Variants in PRDM16 observed in about 807,000 individuals in gnomAD.
The protein encoded by PRDM16 is PR/SET domain 16.
A neutral mutation model predicts 110.6 loss-of-function variants in PRDM16; 23 were observed. The observed-to-expected ratio is 0.21, with a 90% CI of 0.15 to 0.29. The LOEUF (loss-of-function observed/expected upper bound fraction) is 0.29, where lower values mean the gene tolerates loss of function less well. Ranked by LOEUF, PRDM16 falls within the 10% of genes least tolerant of loss-of-function variation. PRDM16 has a pLI of 1.00. For synonymous variants in PRDM16, 799 were observed against 781.8 expected, an observed-to-expected ratio of 1.02 and a Z score of -0.37; for missense variants, 1,615 against 1,794.3, an observed-to-expected ratio of 0.90 and a Z score of 1.81.
intron 2 of PRDM16, among the ~76,000 whole-genome samples, chr1:3,241,180 G>A (rs966578261): frequency 6.6e-6 from 1 of 152,272 alleles, no homozygotes; most frequent in African/African-American, 2.4e-5. Context: ...GTGAGATGGG[G>A]CAGGCGGTTC....
At chr1:3,138,236 G>T (rs896074539) in intron 1 of PRDM16, among the ~76,000 whole-genome samples, 8 of 152,232 alleles carry the variant, frequency 5.3e-5, no homozygotes, top group African/African-American at 1.9e-4. Flanking sequence ...CACGGGGTGT[G>T]GCTTTGTGCA....
chr1:3,336,757 C>T (rs1381899831), intron 3 of PRDM16, among the ~76,000 whole-genome samples: 1 of 151,718 alleles, frequency 6.6e-6, no homozygotes, highest in Admixed American at 6.5e-5. Context: ...CCTGCATGCA[C>T]ATGTGTGTTG....
chr1:3,087,711 T>C (rs939930267), intron 1 of PRDM16, among the ~76,000 whole-genome samples: 1 of 152,196 alleles, frequency 6.6e-6, no homozygotes, highest in African/African-American at 2.4e-5. Context: ...GCCCTCGCGA[T>C]GGCTGGAATC....
chr1:3,222,794 C>T (rs1373182165), intron 2 of PRDM16, among the ~76,000 whole-genome samples: 2 of 152,230 alleles, frequency 1.3e-5, no homozygotes, highest in Non-Finnish European at 2.9e-5. Flanking sequence ...CTGGATCTTT[C>T]CCCACATCCA....
rs1401473461 is a variant in PRDM16 at position 3,411,529 on chromosome 1, C to T, written c.1332C>T (p.Phe444=). 6.2e-7 allele frequency: 1 copy of T among 1,614,198 alleles called. No individual in the cohort carries two copies. The highest frequency in any genetic ancestry group is 1.3e-5 in the African/African-American group (1 of 75,050). The part of the protein sequence containing the change: ...TTSSLNKHRR[F]CEGKNHYTPG... ...CCTCCCTCAACAAGCACCGGCGCTT[C>T]TGCGAGGGCAAGAACCATTACACGC... Residue 444 remains phenylalanine, a synonymous_variant, in exon 9 of 17, where the codon TTC becomes TTT. Transcript: ENST00000270722.
rs937949696 is a variant in PRDM16, at chr1:3,350,746, G to C, written c.439-34406G>C. Among the ~76,000 whole-genome samples, 1 of 152,128 alleles carries C rather than the reference G, an allele frequency of 6.6e-6. No individual in the cohort carries two copies. The highest frequency in any genetic ancestry group is 1.5e-5 in the Non-Finnish European group (1 of 68,036). ...CTGGTTCCTCCCTCCCAGGACAAGAGCTTTGTGTCTGCCGACTTCTTCCCA... is the reference window on the plus strand; with the variant it reads ...CTGGTTCCTCCCTCCCAGGACAAGACCTTTGTGTCTGCCGACTTCTTCCCA... On this transcript the variant is annotated intron_variant, in intron 3 of 16. Coordinates refer to ENST00000270722, the MANE Select transcript of PRDM16 (RefSeq NM_022114.4). This position sits in a 1 kb window ranked among gnomAD's most constrained non-coding sequence, Gnocchi z 7.1.
At chr1:3,420,038 A>C (rs1638385106) in intron 12 of PRDM16, among the ~76,000 whole-genome samples, 1 of 152,074 alleles carries the variant, frequency 6.6e-6, no homozygotes, top group African/African-American at 2.4e-5. Flanking sequence ...TTTTTCTGTA[A>C]TGAGAGCCGA....
rs149311572 is a variant in PRDM16 at position 3,325,759 on chromosome 1, C to T, written c.439-59393C>T. Among the ~76,000 whole-genome samples the T allele has an allele frequency of 7.9e-5, 12 of 152,254 alleles. No homozygotes were observed. In the East Asian group the frequency reaches 1.7e-3, roughly 22 times the overall value. ...CTTGGCCCTCCTTGGACTTCCTTGG[C>T]GATTCTCAGTGATCCTCTACCATCC... On this transcript the variant is annotated intron_variant, in intron 3 of 16. Transcript: ENST00000270722.
At chr1:3,242,985 G>A (rs769294637) in intron 2 of PRDM16, among the ~76,000 whole-genome samples, 1 of 152,228 alleles carries the variant, frequency 6.6e-6, no homozygotes, top group Non-Finnish European at 1.5e-5. Context: ...CAGCACTCTG[G>A]GATGGGTCAC....
intron 3 of PRDM16, among the ~76,000 whole-genome samples, chr1:3,247,722 G>C (rs1639821130): frequency 6.6e-6 from 1 of 150,988 alleles, no homozygotes; most frequent in African/African-American, 2.4e-5. Flanking sequence ...CGCTCGCCCT[G>C]GTGCCCTATG....
chr1:3,208,914 G>A lies in PRDM16; in HGVS notation c.387+22440G>A, dbSNP rs1031229815. On this transcript the variant is annotated intron_variant, in intron 2 of 16. Transcript: ENST00000270722. This position sits in a 1 kb window ranked among gnomAD's most constrained non-coding sequence, Gnocchi z 6.1. Reference sequence around the variant, plus strand: ...GAGTGGGTGGAAAGTCTTGGGGACAGAAGAAACCTGGCTTTTCCCATGAAC... The same window carrying A: ...GAGTGGGTGGAAAGTCTTGGGGACAAAAGAAACCTGGCTTTTCCCATGAAC... 6.6e-6 allele frequency among the ~76,000 whole-genome samples: 1 copy of A among 152,214 alleles called. No individual in the cohort carries two copies. The highest frequency in any genetic ancestry group is 1.5e-5 in the Non-Finnish European group (1 of 68,040).
chr1:3,205,780 C>T (rs1429453978), intron 2 of PRDM16, among the ~76,000 whole-genome samples: 1 of 152,092 alleles, frequency 6.6e-6, no homozygotes, highest in Non-Finnish European at 1.5e-5. Flanking sequence ...GCTTCCTGGC[C>T]AGGCCTCGGT....
intron 3 of PRDM16, among the ~76,000 whole-genome samples, chr1:3,314,070 C>CCGGGGGGGG (rs1477568000): frequency 1.1e-5 from 1 of 89,656 alleles, no homozygotes; most frequent in African/African-American, 9.6e-5. Flanking sequence ...TCCTTCCCCA[C>CCGGGGGGGG]CGGGGGGGGG....
At chr1:3,186,812 A>G (rs568861145) in intron 2 of PRDM16, among the ~76,000 whole-genome samples, 2 of 152,324 alleles carry the variant, frequency 1.3e-5, no homozygotes, top group African/African-American at 4.8e-5. Flanking sequence ...ATTAATAGGA[A>G]GTCCCAGAAC....
chr1:3,418,803 C>G, intron 12 of PRDM16, 59 bp downstream of exon 12: 1 of 1,304,398 alleles, frequency 7.7e-7, no homozygotes. Flanking sequence ...GCACCGCTGA[C>G]CCACTCCTAG....
In PRDM16 at chr1:3,143,684, T is replaced by C. The variant is rs2100706524; in HGVS notation, c.38-42441T>C. On this transcript the variant is annotated intron_variant, in intron 1 of 16. Coordinates refer to ENST00000270722, the MANE Select transcript of PRDM16 (RefSeq NM_022114.4). This position sits in a 1 kb window ranked among gnomAD's most constrained non-coding sequence, Gnocchi z 4.5. ...TAGAGATGGGGTTTCATCATTGTGG[T>C]CAGGCCAGTCTTGAACTCCTGACCT... Among the ~76,000 whole-genome samples, 1 of 152,236 alleles carries C rather than the reference T, an allele frequency of 6.6e-6. No homozygotes were observed. The highest frequency in any genetic ancestry group is 2.4e-5 in the African/African-American group (1 of 41,552).
chr1:3,264,619 A>C (rs569166384), intron 3 of PRDM16, among the ~76,000 whole-genome samples: 19 of 142,582 alleles, frequency 1.3e-4, no homozygotes, highest in African/African-American at 5.0e-4. Flanking sequence ...GTAGATGGGC[A>C]CCCGAGGACC....
intron 1 of PRDM16, among the ~76,000 whole-genome samples, chr1:3,094,451 C>G (rs780964026): frequency 5.9e-5 from 9 of 152,254 alleles, no homozygotes; most frequent in Non-Finnish European, 1.3e-4. Flanking sequence ...TCATGCCGGA[C>G]TGGCAGCTGT....
At chr1:3,356,435 G>A (rs911321829) in intron 3 of PRDM16, among the ~76,000 whole-genome samples, 23 of 152,240 alleles carry the variant, frequency 1.5e-4, no homozygotes, top group Non-Finnish European at 2.5e-4. Flanking sequence ...CCGGGGAGAC[G>A]GGAGTGGGGG....
Sources: gnomAD v4.1 joint callset for allele counts (sites outside exome capture counted in the v4.1 genomes callset) on GRCh38, gnomAD v4.1.1 for gene constraint, Gnocchi (gnomAD v3.1) non-coding constraint, MANE v1.5 for transcripts, NCBI Gene and HGNC (gene_info 2026-07-23, HGNC 2026-07-21) for gene names.